MSI2: variants seen among roughly 807,000 people sequenced by gnomAD.
The protein encoded by MSI2 is RNA-binding protein Musashi homolog 2.
In MSI2, 17 loss-of-function variants were observed where a neutral mutation model predicts 45.6. That is an observed-to-expected ratio of 0.37 (90% CI 0.26 to 0.56). MSI2 has a LOEUF of 0.56. MSI2 is among the 20% of genes least tolerant of loss of function. The pLI is 0.77. For synonymous variants in MSI2, 156 were observed against 158.2 expected (o/e 0.99, Z 0.11); for missense variants, 293 against 444.2 (o/e 0.66, Z 3.06).
chr17:57,442,487 T>C (rs1053753259), intron 6 of MSI2, among the ~76,000 whole-genome samples: 1 of 151,880 alleles, frequency 6.6e-6, no homozygotes, highest in Non-Finnish European at 1.5e-5. Context: ...CAGCACGAGG[T>C]TTGTGGGATT....
chr17:57,623,867 TGAA>T (rs1908542441), intron 9 of MSI2, among the ~76,000 whole-genome samples: 2 of 152,174 alleles, frequency 1.3e-5, no homozygotes, highest in African/African-American at 2.4e-5. Context: ...AGAGGAAAAT[TGAA>T]GTAATGTTGT....
At chr17:57,390,002 C>T (rs2144075745) in intron 5 of MSI2, among the ~76,000 whole-genome samples, 1 of 150,662 alleles carries the variant, frequency 6.6e-6, no homozygotes, top group East Asian at 2.0e-4. Flanking sequence ...CTTTGGGAAG[C>T]TGAGGCAGGA....
At chr17:57,507,679 T>G (rs1395017909) in intron 6 of MSI2, among the ~76,000 whole-genome samples, 4 of 151,832 alleles carry the variant, frequency 2.6e-5, no homozygotes, top group African/African-American at 9.7e-5. Flanking sequence ...CACCAAAGTT[T>G]CAAGAAAATA....
intron 10 of MSI2, among the ~76,000 whole-genome samples, chr17:57,634,886 G>T (rs1181312199): frequency 6.6e-6 from 1 of 152,162 alleles, no homozygotes; most frequent in Non-Finnish European, 1.5e-5. Flanking sequence ...CATCCCAGAA[G>T]ACTACATCTC....
chr17:57,631,893 C>T (rs1909408631), intron 10 of MSI2: 3 of 1,598,578 alleles, frequency 1.9e-6, no homozygotes, highest in Non-Finnish European at 2.6e-6. Flanking sequence ...AGGACACAGT[C>T]CCGGCCTGGG....
chr17:57,592,324 T>C (rs1347868143), intron 7 of MSI2, among the ~76,000 whole-genome samples: 1 of 152,232 alleles, frequency 6.6e-6, no homozygotes, highest in African/African-American at 2.4e-5. Context: ...GTTTTTGTCC[T>C]CCTCTGCTCA....
chr17:57,625,997 T>A (rs541258889), intron 9 of MSI2: 2 of 152,310 alleles, frequency 1.3e-5, no homozygotes, highest in Non-Finnish European at 2.9e-5. Flanking sequence ...CAGAGGCAGA[T>A]CCTAAGGAGG....
chr17:57,485,878 C>T (rs766082629), intron 6 of MSI2, among the ~76,000 whole-genome samples: 3 of 152,186 alleles, frequency 2.0e-5, no homozygotes, highest in Non-Finnish European at 4.4e-5. Flanking sequence ...TGAAGCAAGC[C>T]CTCAGGAACA....
intron 9 of MSI2, among the ~76,000 whole-genome samples, chr17:57,618,853 TA>T (rs1049153523): frequency 6.6e-6 from 1 of 152,048 alleles, no homozygotes; most frequent in African/African-American, 2.4e-5. Flanking sequence ...CGCTGTCTCT[TA>T]AAAAAATAAA....
chr17:57,483,897 C>T (rs556534059), intron 6 of MSI2, among the ~76,000 whole-genome samples: 29 of 152,314 alleles, frequency 1.9e-4, no homozygotes, highest in Middle Eastern at 3.4e-3. Flanking sequence ...CTCTAGCACA[C>T]GCTGTTGGCA....
At chr17:57,442,680 C>T (rs574794057) in intron 6 of MSI2, among the ~76,000 whole-genome samples, 1 of 152,260 alleles carries the variant, frequency 6.6e-6, no homozygotes, top group African/African-American at 2.4e-5. Context: ...GGGTTGCTGA[C>T]GAGACCCTGG....
rs1416092023 is a variant in MSI2 at position 57,288,027 on chromosome 17, G to A, written c.312+25835G>A. ...CCTTTATTCCTCCATCCCTCTGTCT[G>A]GGGTGGGATGTTTGGGAGAAGAGAG... On this transcript the variant is annotated intron_variant, in intron 5 of 13. Transcript: ENST00000284073. 2.6e-5 allele frequency among the ~76,000 whole-genome samples: 4 copies of A among 152,308 alleles called. No homozygotes were observed. The South Asian group carries it at 8.3e-4, about 32-fold the overall frequency.
At chr17:57,295,481 G>A (rs192363445) in intron 5 of MSI2, among the ~76,000 whole-genome samples, 1 of 152,140 alleles carries the variant, frequency 6.6e-6, no homozygotes. Context: ...AGTTTTTGGG[G>A]GATTATTATT....
intron 7 of MSI2, among the ~76,000 whole-genome samples, chr17:57,544,180 G>A (rs870781): frequency 0.48 from 72,444 of 152,006 alleles, 17,227 homozygotes; most frequent in East Asian, 0.59. Flanking sequence ...CGTGGCCCTC[G>A]GTTGGTTTCA....
intron 10 of MSI2, among the ~76,000 whole-genome samples, chr17:57,634,798 C>T (rs1330687917): frequency 6.6e-6 from 1 of 152,212 alleles, no homozygotes; most frequent in Non-Finnish European, 1.5e-5. Context: ...TTCTTCTCTA[C>T]TCTCATTCTA....
At chr17:57,437,964 C>T (rs1173901495) in intron 6 of MSI2, among the ~76,000 whole-genome samples, 2 of 152,160 alleles carry the variant, frequency 1.3e-5, no homozygotes, top group Non-Finnish European at 2.9e-5. Flanking sequence ...CACATGCACC[C>T]GTGTAATTAC....
intron 5 of MSI2, among the ~76,000 whole-genome samples, chr17:57,381,684 C>T (rs994284760): frequency 4.6e-5 from 7 of 152,230 alleles, no homozygotes; most frequent in African/African-American, 1.7e-4. Flanking sequence ...TGACCATGAA[C>T]TGAATTGCTA....
chr17:57,649,373 AT>A (rs1910949298), intron 10 of MSI2, among the ~76,000 whole-genome samples: 1 of 151,724 alleles, frequency 6.6e-6, no homozygotes, highest in Non-Finnish European at 1.5e-5. Context: ...CATAACACAC[AT>A]GTACTCAACA....
rs1910560381 is a variant in MSI2 at position 57,645,174 on chromosome 17, G to C, written c.728-6925G>C. ...GGCCTTTAAAAGACACAGAGACCCG[G>C]CTCCCACCCGATTCTGTGGGCAGGG... On this transcript the variant is annotated intron_variant, in intron 10 of 13. Transcript: ENST00000284073. Among the ~76,000 whole-genome samples, 4 of 152,170 alleles carry C rather than the reference G, an allele frequency of 2.6e-5. No individual in the cohort carries two copies. The South Asian group carries it at 8.3e-4, about 32-fold the overall frequency.
Sources: gnomAD v4.1 joint callset for allele counts (sites outside exome capture counted in the v4.1 genomes callset) on GRCh38, gnomAD v4.1.1 for gene constraint, MANE v1.5 for transcripts, NCBI Gene and HGNC (gene_info 2026-07-23, HGNC 2026-07-21) for gene names.